Variants in LAMB4 observed in about 807,000 individuals in gnomAD.
The protein encoded by LAMB4 is laminin subunit beta-4.
Under a neutral mutation model 199.2 loss-of-function variants are expected in LAMB4, and 196 were observed. The observed-to-expected ratio is 0.98, with a 90% CI of 0.88 to 1.11. The LOEUF (loss-of-function observed/expected upper bound fraction) is 1.11. LAMB4 is among the 50% of genes least tolerant of loss of function. The pLI, the probability that LAMB4 is intolerant of heterozygous loss-of-function variation, is 0.00. For missense variants in LAMB4, 2,080 were observed against 2,171.2 expected, an observed-to-expected ratio of 0.96 and a Z score of 0.83; for synonymous variants, 744 against 770.6, an observed-to-expected ratio of 0.97 and a Z score of 0.57.
rs543928785 is a variant in LAMB4, at chr7:108,029,046, T to C, written c.5143A>G (p.Thr1715Ala). The C allele has an allele frequency of 7.7e-5, 124 of 1,612,840 alleles. 1 individual carries two copies. In the South Asian group the frequency reaches 1.3e-3, roughly 17 times the overall value. Reference sequence around the variant, plus strand: ...GGATGGATAAAAGAACAGATACCTGTTATTCTTCTTATCTTGGCCTCTGTA... The same window carrying C: ...GGATGGATAAAAGAACAGATACCTGCTATTCTTCTTATCTTGGCCTCTGTA... The part of the protein sequence containing the change: ...GDTEAKIRRI[T>A]DLERKIQDLN... Residue 1715 changes from threonine (T) to alanine (A), a missense_variant, in exon 33 of 34, where the codon ACA becomes GCA. By Grantham distance (58) the Thr-to-Ala change is moderately conservative. Transcript: ENST00000388781.
At chr7:108,013,938 G>A in the LAMB4 span, among the ~76,000 whole-genome samples, 2 of 152,004 alleles carry the variant, frequency 1.3e-5, no homozygotes, top group Non-Finnish European at 2.9e-5. Flanking sequence ...GGAGCTGTAG[G>A]GGGAGTAGAT....
At chr7:108,067,936 A>AC (rs1292678339) in intron 19 of LAMB4, 80 bp downstream of exon 19, 1 of 1,553,598 alleles carries the variant, frequency 6.4e-7, no homozygotes, top group African/African-American at 1.4e-5. Flanking sequence ...TCCCATTAAA[A>AC]CCCCCCTCCA....
intron 6 of LAMB4, among the ~76,000 whole-genome samples, chr7:108,106,954 T>C (rs2150660106): frequency 6.6e-6 from 1 of 152,280 alleles, no homozygotes. Context: ...AGATTATCAT[T>C]TGGGTTAGCA....
chr7:108,021,489 C>T (rs774746885), downstream of LAMB4, among the ~76,000 whole-genome samples: 1 of 152,142 alleles, frequency 6.6e-6, no homozygotes, highest in Non-Finnish European at 1.5e-5. Flanking sequence ...GCGGGTGGAT[C>T]ACCTGAGTTC....
At chr7:108,069,033 T>C (rs1395366712) in intron 18 of LAMB4, among the ~76,000 whole-genome samples, 1 of 152,124 alleles carries the variant, frequency 6.6e-6, no homozygotes, top group Non-Finnish European at 1.5e-5. Context: ...TTTCATGACA[T>C]GGTGGGTACC....
chr7:108,117,747 C>T (rs368239920), intron 2 of LAMB4, among the ~76,000 whole-genome samples: 60 of 152,286 alleles, frequency 3.9e-4, no homozygotes, highest in South Asian at 1.2e-3. Flanking sequence ...AGTTATTTCT[C>T]GATGATATTC....
At chr7:108,095,361 A>T (rs2037557565) in intron 11 of LAMB4, 24 bp from the exon 12 acceptor site, 1 of 1,511,850 alleles carries the variant, frequency 6.6e-7, no homozygotes, top group African/African-American at 1.4e-5. Context: ...ATACACAATT[A>T]TTCTCATTCT....
chr7:108,057,688 G>A, intron 24 of LAMB4, 144 bp downstream of exon 24: 4 of 599,354 alleles, frequency 6.7e-6, no homozygotes, highest in South Asian at 4.2e-5. Context: ...TTTTCAAAAT[G>A]TAGAATTAAA....
At position 108,090,473 on chromosome 7, in the gene LAMB4, A is replaced by T. The variant is rs1419070490; in HGVS notation, c.1701+1153T>A. Reference sequence around the variant, plus strand: ...TCCTTAAGCCATGGAGGGAGTAGTAAGGGTTCATATCATGCATGATATAAC... The same window carrying T: ...TCCTTAAGCCATGGAGGGAGTAGTATGGGTTCATATCATGCATGATATAAC... On this transcript the variant is annotated intron_variant, in intron 14 of 33. Transcript: ENST00000388781. Among the ~76,000 whole-genome samples the T allele has an allele frequency of 1.3e-5, 2 of 152,156 alleles. 1 individual carries two copies.
At chr7:108,093,850 G>T (rs2037499891) in intron 12 of LAMB4, among the ~76,000 whole-genome samples, 1 of 152,180 alleles carries the variant, frequency 6.6e-6, no homozygotes, top group Middle Eastern at 3.2e-3. Flanking sequence ...GTGTCTTTTA[G>T]ATATTAAACA....
At chr7:108,118,518 A>C (rs1056739576) in intron 2 of LAMB4, among the ~76,000 whole-genome samples, 3 of 152,188 alleles carry the variant, frequency 2.0e-5, no homozygotes, top group Non-Finnish European at 2.9e-5. Flanking sequence ...AATGCAACTC[A>C]ATGGAGGAAG....
rs1393936600 is a variant in LAMB4 at position 108,069,215 on chromosome 7, G to C, written c.2302+493C>G. Among the ~76,000 whole-genome samples, 4 of 152,340 alleles carry C rather than the reference G, an allele frequency of 2.6e-5. No homozygotes were observed. The Middle Eastern group carries it at 0.01, about 389-fold the overall frequency. Reference sequence around the variant, plus strand: ...ACATTTTTGGATGTCACAACTAGGGGAGGGCAGTACCGGTATAGGATCTGC... The same window carrying C: ...ACATTTTTGGATGTCACAACTAGGGCAGGGCAGTACCGGTATAGGATCTGC... On this transcript the variant is annotated intron_variant, in intron 18 of 33. Coordinates refer to ENST00000388781, the MANE Select transcript of LAMB4 (RefSeq NM_007356.3).
the LAMB4 span, among the ~76,000 whole-genome samples, chr7:108,012,397 A>G: frequency 1.3e-5 from 2 of 152,212 alleles, no homozygotes; most frequent in African/African-American, 4.8e-5. Flanking sequence ...TTTTTTAAAC[A>G]AGGAGAATGT....
At position 108,111,792 on chromosome 7, in the gene LAMB4, A is replaced by G; in HGVS notation, c.328+19T>C. The G allele has an allele frequency of 6.2e-7, 1 of 1,605,656 alleles. No homozygotes were observed. ...AAATATTGAAGAAATAAACAACTGG[A>G]AAGGAACTTAAATCATACCATTTTC... is the stretch of plus-strand genomic sequence containing the variant. On this transcript the variant is annotated intron_variant, in intron 4 of 33. Coordinates refer to ENST00000388781, the MANE Select transcript of LAMB4 (RefSeq NM_007356.3).
chr7:108,029,048 A>ATTC lies in LAMB4; in HGVS notation c.5138_5140dup (p.Arg1713dup). On this transcript the variant is annotated inframe_insertion, in exon 33 of 34. Coordinates refer to ENST00000388781, the MANE Select transcript of LAMB4 (RefSeq NM_007356.3). ...ATGGATAAAAGAACAGATACCTGTTATTCTTCTTATCTTGGCCTCTGTATC... is the reference window on the plus strand; with the variant it reads ...ATGGATAAAAGAACAGATACCTGTTATTCTTCTTCTTATCTTGGCCTCTGTATC... 1 of 1,613,024 alleles carries ATTC rather than the reference A, an allele frequency of 6.2e-7. No homozygotes were observed. The highest frequency in any genetic ancestry group is 8.5e-7 in the Non-Finnish European group (1 of 1,179,640).
intron 29 of LAMB4, among the ~76,000 whole-genome samples, chr7:108,042,007 G>A (rs977144100): frequency 3.9e-5 from 6 of 152,094 alleles, no homozygotes; most frequent in Non-Finnish European, 8.8e-5. Context: ...GAACTTTCAG[G>A]AGAAGTGATA....
intron 11 of LAMB4, among the ~76,000 whole-genome samples, chr7:108,097,591 T>A (rs573818165): frequency 1.2e-4 from 19 of 152,106 alleles, no homozygotes; most frequent in South Asian, 8.3e-4. Flanking sequence ...AGAGACCATC[T>A]TGGCTAACAC....
At chr7:108,066,794 G>A (rs767572265) in intron 19 of LAMB4, among the ~76,000 whole-genome samples, 194 bp from the exon 20 acceptor site, 26 of 152,128 alleles carry the variant, frequency 1.7e-4, no homozygotes, top group Non-Finnish European at 3.5e-4. Context: ...TGGATAAACA[G>A]TATGTTGCGA....
chr7:108,123,379 T>C (rs2038667474), intron 1 of LAMB4, among the ~76,000 whole-genome samples, 182 bp from the exon 2 acceptor site: 1 of 152,264 alleles, frequency 6.6e-6, no homozygotes, highest in Non-Finnish European at 1.5e-5. Flanking sequence ...ATTTGTTTGC[T>C]CTTAATGTTT....
Sources: allele counts gnomAD v4.1 joint callset (sites outside exome capture counted in the v4.1 genomes callset), GRCh38; gene constraint gnomAD v4.1.1; transcripts MANE v1.5; gene names NCBI Gene and HGNC (gene_info 2026-07-23, HGNC 2026-07-21).